The following CNTNAP5 variants were observed in gnomAD, a reference collection of about 807,000 sequenced individuals.
CNTNAP5 encodes the protein contactin associated protein family member 5.
Under a neutral mutation model 150.2 loss-of-function variants are expected in CNTNAP5, and 72 were observed. That is an observed-to-expected ratio of 0.48 (90% CI 0.40 to 0.58). The LOEUF (loss-of-function observed/expected upper bound fraction) is 0.58. Ranked by LOEUF, CNTNAP5 falls within the 20% of genes least tolerant of loss-of-function variation. CNTNAP5 has a pLI of 0.00. For synonymous variants in CNTNAP5, 672 were observed against 619.8 expected (o/e 1.08, Z -1.25); for missense variants, 1,636 against 1,626.2 (o/e 1.01, Z -0.10).
chr2:124,898,318 G>A (rs1438656124), intron 21 of CNTNAP5, among the ~76,000 whole-genome samples: 2 of 151,308 alleles, frequency 1.3e-5, no homozygotes, highest in Non-Finnish European at 2.9e-5. Context: ...CCAGAGCAAT[G>A]TCTGTTTTTA....
At chr2:124,767,067 G>A (rs567367111) in intron 16 of CNTNAP5, among the ~76,000 whole-genome samples, 4 of 152,250 alleles carry the variant, frequency 2.6e-5, no homozygotes, top group South Asian at 2.1e-4. Flanking sequence ...CTCATATTAC[G>A]CATTTTAGGC....
intron 3 of CNTNAP5, among the ~76,000 whole-genome samples, chr2:124,255,737 T>C (rs746928323): frequency 3.9e-5 from 6 of 152,008 alleles, no homozygotes; most frequent in Non-Finnish European, 8.8e-5. Context: ...TATCACAGGA[T>C]TTGAAGTAAG....
intron 3 of CNTNAP5, among the ~76,000 whole-genome samples, chr2:124,298,300 G>A (rs2565756): frequency 0.021 from 3,150 of 152,052 alleles, 111 homozygotes; most frequent in African/African-American, 0.07. Flanking sequence ...ACTGAGGGTC[G>A]GGCTGCTTAT....
intron 17 of CNTNAP5, 52 bp downstream of exon 17, chr2:124,773,069 G>A (rs1681241572): frequency 4.2e-6 from 6 of 1,432,024 alleles, no homozygotes; most frequent in Non-Finnish European, 4.9e-6. Context: ...AGATCACTGT[G>A]TGACCATGCC....
intron 1 of CNTNAP5, among the ~76,000 whole-genome samples, chr2:124,206,501 T>G (rs990673958): frequency 1.9e-4 from 29 of 152,192 alleles, no homozygotes; most frequent in African/African-American, 6.8e-4. Context: ...TTGGGGCATG[T>G]TTGCCAAGCT....
intron 8 of CNTNAP5, among the ~76,000 whole-genome samples, chr2:124,518,994 CAAA>C (rs35578704): frequency 4.2e-5 from 2 of 48,114 alleles, no homozygotes; most frequent in Non-Finnish European, 7.6e-5. Context: ...GCCTGGGCCG[CAAA>C]AAAAAAAAAA....
intron 21 of CNTNAP5, among the ~76,000 whole-genome samples, chr2:124,885,350 G>A (rs980008591): frequency 6.6e-6 from 1 of 151,962 alleles, no homozygotes; most frequent in African/African-American, 2.4e-5. Context: ...GTACTTGGAT[G>A]AGGGCTTGAT....
At chr2:124,463,329 G>A (rs1693297183) in intron 6 of CNTNAP5, among the ~76,000 whole-genome samples, 1 of 152,188 alleles carries the variant, frequency 6.6e-6, no homozygotes, top group African/African-American at 2.4e-5. Flanking sequence ...GCTGACGTCT[G>A]TCAGTCTGTG....
chr2:124,455,162 C>CA (rs981064376), intron 6 of CNTNAP5, among the ~76,000 whole-genome samples: 220 of 149,836 alleles, frequency 1.5e-3, no homozygotes, highest in African/African-American at 5.2e-3. Context: ...CAAGATTAAC[C>CA]AAAAAAAAGA....
chr2:124,919,328 A>C lies in CNTNAP5; in HGVS notation c.*5040A>C, dbSNP rs1453797624. 2.0e-5 allele frequency among the ~76,000 whole-genome samples: 3 copies of C among 152,118 alleles called. No homozygotes were observed. The highest frequency in any genetic ancestry group is 6.6e-5 in the Admixed American group (1 of 15,256). ...TGATTATTTTATCTTATTTTGCACTAAGGTACTCTGAGGAAGAACAGAAAA... is the reference window on the plus strand; with the variant it reads ...TGATTATTTTATCTTATTTTGCACTCAGGTACTCTGAGGAAGAACAGAAAA... On this transcript the variant is annotated 3_prime_UTR_variant, in exon 24 of 24. Transcript: ENST00000682447.
At chr2:124,781,371 G>T (rs1006294673) in intron 17 of CNTNAP5, among the ~76,000 whole-genome samples, 2 of 152,112 alleles carry the variant, frequency 1.3e-5, no homozygotes, top group Non-Finnish European at 2.9e-5. Flanking sequence ...CAGGCCCCAG[G>T]CTCTATTTCT....
At chr2:124,337,625 T>C (rs1451493861) in intron 3 of CNTNAP5, among the ~76,000 whole-genome samples, 1 of 152,216 alleles carries the variant, frequency 6.6e-6, no homozygotes, top group Non-Finnish European at 1.5e-5. Context: ...GTTTATTAAA[T>C]AGGGAATCAT....
At chr2:124,356,602 C>T in intron 3 of CNTNAP5, among the ~76,000 whole-genome samples, 1 of 151,944 alleles carries the variant, frequency 6.6e-6, no homozygotes. Context: ...ATCATGATTT[C>T]CAATTCATCC....
In CNTNAP5 at chr2:124,790,081, C is replaced by A; in HGVS notation, c.2932C>A (p.His978Asn). The change falls in exon 18 of 24, where the codon CAC becomes AAC. Residue 978 changes from histidine (H) to asparagine (N), a missense_variant. Transcript: ENST00000682447. ...CHNGGKCVEK[H>N]NGYLCDCTNS... is the part of the protein sequence containing the mutation. Reference sequence around the variant, plus strand: ...CAACGGGGGCAAGTGTGTGGAGAAGCACAATGGCTACCTGTGTGATTGCAC... The same window carrying A: ...CAACGGGGGCAAGTGTGTGGAGAAGAACAATGGCTACCTGTGTGATTGCAC... 1 of 1,613,922 alleles carries A rather than the reference C, an allele frequency of 6.2e-7. No individual in the cohort carries two copies. The highest frequency in any genetic ancestry group is 8.5e-7 in the Non-Finnish European group (1 of 1,179,848).
intron 17 of CNTNAP5, among the ~76,000 whole-genome samples, chr2:124,786,348 A>G (rs149719180): frequency 0.042 from 4,310 of 102,698 alleles, 170 homozygotes; most frequent in African/African-American, 0.11. Context: ...AGAAAGAAAG[A>G]AAGGAAGAAA....
chr2:124,521,160 T>A (rs1694838940), intron 8 of CNTNAP5, among the ~76,000 whole-genome samples: 3 of 152,118 alleles, frequency 2.0e-5, no homozygotes, highest in Non-Finnish European at 4.4e-5. Context: ...CAAGGGACCT[T>A]TGAACCTTCC....
At chr2:124,713,952 C>A (rs1056393422) in intron 13 of CNTNAP5, among the ~76,000 whole-genome samples, 2 of 152,124 alleles carry the variant, frequency 1.3e-5, no homozygotes, top group Non-Finnish European at 2.9e-5. Context: ...TTACAGCCTC[C>A]AGATAATACC....
chr2:124,501,026 T>C (rs1694268386), intron 7 of CNTNAP5, among the ~76,000 whole-genome samples: 1 of 152,088 alleles, frequency 6.6e-6, no homozygotes. Context: ...ACTGACTTCC[T>C]TTTTGGACAA....
chr2:124,289,510 A>C (rs1203399317), intron 3 of CNTNAP5, among the ~76,000 whole-genome samples: 1 of 152,238 alleles, frequency 6.6e-6, no homozygotes, highest in African/African-American at 2.4e-5. Context: ...TATTAAAATA[A>C]AAGTCTATTT....
Sources: allele counts gnomAD v4.1 joint callset (sites outside exome capture counted in the v4.1 genomes callset), GRCh38; gene constraint gnomAD v4.1.1; transcripts MANE v1.5; gene names NCBI Gene and HGNC (gene_info 2026-07-23, HGNC 2026-07-21).